CD163: variants seen among roughly 807,000 people sequenced by gnomAD.
CD163 encodes CD163 molecule.
CD163 carries 64 observed loss-of-function variants against 129.2 expected under a neutral mutation model. The ratio of observed to expected loss-of-function variants is 0.50; its 90% CI spans 0.41 to 0.61. The LOEUF (loss-of-function observed/expected upper bound fraction) is 0.61. Among genes scored for constraint, CD163 ranks in the 20% least tolerant of loss-of-function variants. CD163 has a pLI of 0.00. For missense variants in CD163, 1,061 were observed against 1,377.9 expected, an observed-to-expected ratio of 0.77 and a Z score of 3.64; for synonymous variants, 446 against 478.5, an observed-to-expected ratio of 0.93 and a Z score of 0.89.
chr12:7,485,547 G>A lies in CD163; in HGVS notation c.2459-131C>T, dbSNP rs868638455. The A allele has an allele frequency of 4.4e-5, 22 of 499,968 alleles. No homozygotes were observed. The highest frequency in any genetic ancestry group is 1.6e-4 in the African/African-American group (8 of 51,564). 31.0% of individuals were successfully genotyped at this position (499,968 alleles called of 1,614,324 possible). A position where few individuals can be genotyped will look rare whatever the true frequency, so the allele number is the denominator to read the frequency against. ...ACAATATGTCAGTTACTAATAATTCGTTAGTAACTTCTGGATGATTTCATA... is the reference window on the plus strand; with the variant it reads ...ACAATATGTCAGTTACTAATAATTCATTAGTAACTTCTGGATGATTTCATA... On this transcript the variant is annotated intron_variant, in intron 10 of 16. Coordinates refer to ENST00000432237, the MANE Select transcript of CD163 (RefSeq NM_203416.4). The surrounding 1 kb of genome is among the most constrained non-coding windows in gnomAD (Gnocchi z 4.5).
chr12:7,483,042 C>A (rs748183573), intron 12 of CD163, 38 bp from the exon 13 acceptor site: 1 of 1,596,716 alleles, frequency 6.3e-7, no homozygotes, highest in Non-Finnish European at 8.6e-7. Context: ...TAATTCTTTG[C>A]ATGATATATA....
chr12:7,482,769 A>T lies in CD163; in HGVS notation c.3128-7T>A, dbSNP rs769771254. 3 of 1,613,846 alleles carry T rather than the reference A, an allele frequency of 1.9e-6. No individual in the cohort carries two copies. The highest frequency in any genetic ancestry group is 2.5e-6 in the Non-Finnish European group (3 of 1,179,886). On this transcript the variant is annotated splice_polypyrimidine_tract_variant and splice_region_variant and intron_variant, in intron 13 of 16. Transcript: ENST00000432237. ...GACTGACGGGATGAGCGACCTAAGT[A>T]AAAGTAAATATCAAGAGATATGATC...
chr12:7,477,481 C>T (rs371338556), intron 16 of CD163, among the ~76,000 whole-genome samples: 3 of 152,108 alleles, frequency 2.0e-5, no homozygotes, highest in Admixed American at 2.0e-4. Context: ...CAAACTAACA[C>T]AGGAACGGAA....
intron 16 of CD163, among the ~76,000 whole-genome samples, chr12:7,475,909 G>A (rs1347176709): frequency 5.3e-5 from 8 of 152,106 alleles, no homozygotes; most frequent in Admixed American, 2.0e-4. Context: ...CAAAATCAAT[G>A]TGCAAAAATC....
intron 2 of CD163, among the ~76,000 whole-genome samples, chr12:7,502,009 C>T (rs1412161103): frequency 6.6e-6 from 1 of 152,160 alleles, no homozygotes; most frequent in East Asian, 1.9e-4. Flanking sequence ...AAATAAACCT[C>T]TTTGTACTCT....
At chr12:7,480,024 A>G (rs748775976) in intron 15 of CD163, 111 bp from the exon 16 acceptor site, 1 of 1,598,328 alleles carries the variant, frequency 6.3e-7, no homozygotes, top group Non-Finnish European at 8.5e-7. Context: ...ATTACTGGGA[A>G]ATAAACCAGA....
intron 4 of CD163, among the ~76,000 whole-genome samples, chr12:7,497,766 G>A (rs1320382402): frequency 9.9e-5 from 15 of 152,142 alleles, no homozygotes; most frequent in Admixed American, 4.6e-4. Context: ...GTTATTCATT[G>A]TGGGATTGTG....
At position 7,478,069 on chromosome 12, in the gene CD163, C is replaced by T. The variant is rs527630542; in HGVS notation, c.*31+1791G>A. Among the ~76,000 whole-genome samples, 15 of 151,914 alleles carry T rather than the reference C, an allele frequency of 9.9e-5. No homozygotes were observed. In the South Asian group the frequency reaches 2.3e-3, roughly 23 times the overall value. On this transcript the variant is annotated intron_variant, in intron 16 of 16. Transcript: ENST00000432237. ...TTTTTTCTTTTTTAGTTGCCTAAAC[C>T]GTCATTTTTCCAGTCATTACTCCAT...
At chr12:7,494,986 T>C (rs1949379681) in intron 6 of CD163, 95 bp downstream of exon 6, 1 of 900,990 alleles carries the variant, frequency 1.1e-6, no homozygotes, top group East Asian at 2.4e-5. Flanking sequence ...TTCTTGAGAG[T>C]GATCTAGTCA....
rs1485865918 is a variant in CD163, at chr12:7,496,705, C to A, written c.1099+108G>T. 1.2e-6 allele frequency: 1 copy of A among 843,480 alleles called. No individual in the cohort carries two copies. The highest frequency in any genetic ancestry group is 1.7e-5 in the African/African-American group (1 of 59,086). The allele number at this position is 843,480 out of a possible 1,614,324, so 52.2% of individuals were successfully genotyped here. On this transcript the variant is annotated intron_variant, in intron 5 of 16. Transcript: ENST00000432237. This position sits in a 1 kb window ranked among gnomAD's most constrained non-coding sequence, Gnocchi z 4.8. ...AATTCCCAGCAAGGAATTTACTAGG[C>A]ATTTCTACTTCTTAAGGAGCACGTT...
At chr12:7,478,112 G>A (rs987006080) in intron 16 of CD163, among the ~76,000 whole-genome samples, 1 of 151,888 alleles carries the variant, frequency 6.6e-6, no homozygotes, top group Non-Finnish European at 1.5e-5. Context: ...CATTCACTTT[G>A]TTTCTAGTTT....
Position 7,497,019 on chromosome 12 carries a change from T to C in CD163, c.893A>G (p.Tyr298Cys). The C allele has an allele frequency of 6.2e-7, 1 of 1,614,094 alleles. No individual in the cohort carries two copies. Among genetic ancestry groups the C allele is most frequent in the Non-Finnish European group, 8.5e-7 (1 of 1,180,000 alleles). Residue 298 changes from tyrosine to cysteine, a missense_variant, in exon 5 of 17, where the codon TAC becomes TGC. Coordinates refer to ENST00000432237, the MANE Select transcript of CD163 (RefSeq NM_203416.4). The stretch of plus-strand genomic sequence containing the variant: ...TTGCTTGCATGCCACAGCAGCATCG[T>C]AACTGTCCCAGCCGTCATCACATAT... ...GTICDDGWDS[Y>C]DAAVACKQLG...
intron 4 of CD163, among the ~76,000 whole-genome samples, chr12:7,498,150 G>T (rs763126653): frequency 6.8e-6 from 1 of 146,588 alleles, no homozygotes; most frequent in Admixed American, 6.7e-5. Flanking sequence ...CACACACAGA[G>T]AGAGAGAGAG....
At chr12:7,491,063 G>T (rs1465763938) in intron 6 of CD163, among the ~76,000 whole-genome samples, 1 of 151,768 alleles carries the variant, frequency 6.6e-6, no homozygotes, top group Non-Finnish European at 1.5e-5. Context: ...GCCAAATTCT[G>T]GTTTCTTGTA....
chr12:7,471,792 T>C (rs1425947829), intron 16 of CD163: 1 of 152,178 alleles, frequency 6.6e-6, no homozygotes, highest in Non-Finnish European at 1.5e-5. Context: ...AGCCAAGTGG[T>C]CTCACTCAGC....
intron 10 of CD163, among the ~76,000 whole-genome samples, chr12:7,486,033 T>C (rs1307482513): frequency 6.6e-6 from 1 of 152,238 alleles, no homozygotes; most frequent in East Asian, 1.9e-4. Context: ...GGCAGTAACC[T>C]CATGCTACTT....
intron 6 of CD163, among the ~76,000 whole-genome samples, chr12:7,490,048 C>A (rs1949307285): frequency 6.6e-6 from 1 of 151,956 alleles, no homozygotes; most frequent in Non-Finnish European, 1.5e-5. Flanking sequence ...TCACTAATAG[C>A]CTTCTCCTCC....
At chr12:7,503,621 G>C (rs1276056493) in intron 1 of CD163, 24 bp downstream of exon 1, 1 of 1,525,346 alleles carries the variant, frequency 6.6e-7, no homozygotes. Context: ...AAGGGGAAAT[G>C]TAGAATAAAT....
At chr12:7,475,884 CAA>C (rs1259305744) in intron 16 of CD163, among the ~76,000 whole-genome samples, 4 of 152,180 alleles carry the variant, frequency 2.6e-5, no homozygotes, top group Non-Finnish European at 5.9e-5. Flanking sequence ...GCAACTTCAG[CAA>C]AGTCTCAGGA....
Sources: allele counts gnomAD v4.1 joint callset (sites outside exome capture counted in the v4.1 genomes callset), GRCh38; gene constraint gnomAD v4.1.1; non-coding constraint Gnocchi (gnomAD v3.1); transcripts MANE v1.5; gene names NCBI Gene and HGNC (gene_info 2026-07-23, HGNC 2026-07-21).